The following IQSEC1 variants were observed in gnomAD, a reference collection of about 807,000 sequenced individuals.
IQSEC1 encodes the protein IQ motif and Sec7 domain ArfGEF 1.
A neutral mutation model predicts 91.0 loss-of-function variants in IQSEC1; 31 were observed. That is an observed-to-expected ratio of 0.34 (90% CI 0.26 to 0.46). The LOEUF (loss-of-function observed/expected upper bound fraction) is 0.46. IQSEC1 is among the 20% of genes least tolerant of loss of function. The probability of loss-of-function intolerance (pLI) is 1.00; values close to 1 mark genes in which losing one functional copy is unlikely to be tolerated. For synonymous variants in IQSEC1, 699 were observed against 662.6 expected (o/e 1.05, Z -0.84); for missense variants, 1,388 against 1,575.6 (o/e 0.88, Z 2.02).
At chr3:13,041,943 T>C (rs1298686811) in intron 1 of IQSEC1, among the ~76,000 whole-genome samples, 1 of 152,120 alleles carries the variant, frequency 6.6e-6, no homozygotes, top group African/African-American at 2.4e-5. Context: ...TCGGAGCAAG[T>C]GTACCGGGAA....
intron 2 of IQSEC1, among the ~76,000 whole-genome samples, chr3:13,123,460 C>T (rs1018012884): frequency 4.6e-5 from 7 of 152,204 alleles, no homozygotes; most frequent in African/African-American, 7.2e-5. Flanking sequence ...AGTGGGCATA[C>T]GACTGGGAGG....
chr3:12,967,559 C>T lies in IQSEC1; in HGVS notation c.24-25694G>A. Reference sequence around the variant, plus strand: ...GGATCCCGGGGCCGACACCCGGCCACCCGGAGACCCGACCACCCGCCACGC... The same window carrying T: ...GGATCCCGGGGCCGACACCCGGCCATCCGGAGACCCGACCACCCGCCACGC... On this transcript the variant is annotated intron_variant, in intron 1 of 13. Coordinates refer to ENST00000613206, the MANE Select transcript of IQSEC1 (RefSeq NM_001134382.3). This position sits in a 1 kb window ranked among gnomAD's most constrained non-coding sequence, Gnocchi z 5.9. 7.4e-7 allele frequency: 1 copy of T among 1,344,868 alleles called. No individual in the cohort carries two copies. The highest frequency in any genetic ancestry group is 9.5e-7 in the Non-Finnish European group (1 of 1,056,464). 83.3% of individuals were successfully genotyped at this position (1,344,868 alleles called of 1,614,324 possible). A position where few individuals can be genotyped will look rare whatever the true frequency, so the allele number is the denominator to read the frequency against.
At chr3:12,933,178 G>A (rs1030894917) in intron 3 of IQSEC1, among the ~76,000 whole-genome samples, 1 of 152,208 alleles carries the variant, frequency 6.6e-6, no homozygotes, top group Admixed American at 6.5e-5. Flanking sequence ...GCCAAAGAAA[G>A]GGAAGGGAAA....
At chr3:13,140,334 A>G (rs1706779965) in intron 2 of IQSEC1, among the ~76,000 whole-genome samples, 1 of 152,206 alleles carries the variant, frequency 6.6e-6, no homozygotes, top group Admixed American at 6.5e-5. Flanking sequence ...GGCACCTGAC[A>G]CATAGTGGCA....
At position 13,073,162 on chromosome 3, in the gene IQSEC1, T is replaced by A; in HGVS notation, c.-148A>T. The A allele has an allele frequency of 5.4e-6, 3 of 559,464 alleles. No homozygotes were observed. The highest frequency in any genetic ancestry group is 5.0e-5 in the East Asian group (1 of 19,960). The allele number at this position is 559,464 out of a possible 1,614,324, so 34.7% of individuals were successfully genotyped here. On this transcript the variant is annotated 5_prime_UTR_variant, in exon 1 of 14. Transcript: ENST00000613206. The stretch of plus-strand genomic sequence containing the variant: ...AGTCACATTCCCGGGGGTGGCGGGC[T>A]CCTCCAGGGAGGCTGGGGCGGGAGC...
intron 2 of IQSEC1, among the ~76,000 whole-genome samples, chr3:13,090,458 C>A (rs1307229749): frequency 6.6e-6 from 1 of 152,142 alleles, no homozygotes; most frequent in African/African-American, 2.4e-5. Context: ...AGGTGCTGCT[C>A]CCCAGTGAGT....
chr3:12,960,204 C>G (rs1435660029), intron 1 of IQSEC1: 1 of 152,220 alleles, frequency 6.6e-6, no homozygotes, highest in Non-Finnish European at 1.5e-5. Context: ...GGCGCTACTC[C>G]AGCCTCTCTT....
At chr3:13,283,237 A>C (rs1030411670) in exon 1 of IQSEC1, among the ~76,000 whole-genome samples, 2 of 149,684 alleles carry the variant, frequency 1.3e-5, no homozygotes, top group African/African-American at 4.9e-5. Context: ...CGCAGCGGGC[A>C]GGCGAGGAGT....
chr3:13,133,228 G>A (rs919319655), intron 2 of IQSEC1, among the ~76,000 whole-genome samples: 7 of 152,342 alleles, frequency 4.6e-5, no homozygotes, highest in Admixed American at 6.5e-5. Flanking sequence ...ACCCTAACTC[G>A]TGTTGGTGTA....
At chr3:13,280,029 T>C (rs924911920) in intron 1 of IQSEC1, among the ~76,000 whole-genome samples, 16 of 152,224 alleles carry the variant, frequency 1.1e-4, no homozygotes, top group Admixed American at 1.0e-3. Context: ...GCACTTACTG[T>C]ATACCAGTTT....
In IQSEC1 at chr3:12,908,479, C is replaced by A; in HGVS notation, c.2625G>T (p.Gln875His). Residue 875 changes from glutamine to histidine, a missense_variant, in exon 12 of 14, where the codon CAG becomes CAT. Gln to His is a conservative substitution (Grantham distance 24). Coordinates refer to ENST00000613206, the MANE Select transcript of IQSEC1 (RefSeq NM_001134382.3). The surrounding 1 kb of genome is among the most constrained non-coding windows in gnomAD (Gnocchi z 4.9). ...CCGACTCCTTTTTGAGGCTAGAGCACTGGGACATGCTGGGCCGCACGACGC... is the reference window on the plus strand; with the variant it reads ...CCGACTCCTTTTTGAGGCTAGAGCAATGGGACATGCTGGGCCGCACGACGC... Reference protein sequence around the residue: ...QKGVVRPSMSQCSSLKKESGN... With the variant: ...QKGVVRPSMSHCSSLKKESGN... The A allele has an allele frequency of 1.2e-6, 2 of 1,613,608 alleles. No homozygotes were observed. Among genetic ancestry groups the A allele is most frequent in the Non-Finnish European group, 1.7e-6 (2 of 1,180,028 alleles).
chr3:13,216,280 G>C (rs1694549028), intron 1 of IQSEC1, among the ~76,000 whole-genome samples: 1 of 152,252 alleles, frequency 6.6e-6, no homozygotes, highest in Admixed American at 6.5e-5. Flanking sequence ...CTGTAGAACA[G>C]CATTTCCCAA....
chr3:13,149,721 C>T (rs1023619398), intron 2 of IQSEC1, among the ~76,000 whole-genome samples: 1 of 152,124 alleles, frequency 6.6e-6, no homozygotes, highest in Non-Finnish European at 1.5e-5. Flanking sequence ...CTCCCCCAAC[C>T]CCTGTGTTCC....
chr3:12,962,526 C>T (rs1344213427), intron 1 of IQSEC1, among the ~76,000 whole-genome samples: 1 of 152,236 alleles, frequency 6.6e-6, no homozygotes, highest in East Asian at 1.9e-4. Context: ...TGATCCCTCT[C>T]CCCTCCCATG....
intron 1 of IQSEC1, among the ~76,000 whole-genome samples, chr3:13,000,943 T>G (rs954330104): frequency 8.7e-5 from 11 of 126,716 alleles, no homozygotes. Context: ...CTTACCCAAG[T>G]GAGTCTTTTT....
chr3:12,946,329 T>C (rs1321694253), intron 1 of IQSEC1, among the ~76,000 whole-genome samples: 1 of 152,182 alleles, frequency 6.6e-6, no homozygotes, highest in Non-Finnish European at 1.5e-5. Context: ...ACTGCGCCTC[T>C]GAATTTATTA....
chr3:13,004,805 C>G (rs1380418272), intron 1 of IQSEC1, among the ~76,000 whole-genome samples: 1 of 152,108 alleles, frequency 6.6e-6, no homozygotes, highest in African/African-American at 2.4e-5. Context: ...AACCCAGCAT[C>G]GGGCCAGCCA....
At position 12,936,524 on chromosome 3, in the gene IQSEC1, C is replaced by A; in HGVS notation, c.492G>T (p.Gln164His). The change falls in exon 3 of 14, where the codon CAG becomes CAT. Residue 164 changes from glutamine (Q) to histidine (H), a missense_variant. This residue lies in a region of IQSEC1 where 1,059 missense variants were observed against 1,317.8 expected (regional missense o/e 0.80). Coordinates refer to ENST00000613206, the MANE Select transcript of IQSEC1 (RefSeq NM_001134382.3). ...RRIVLSNMRMQFSFEGPEKVH... is the reference protein window; with the variant it reads ...RRIVLSNMRMHFSFEGPEKVH... ...CTTTCTCAGGCCCCTCAAAGGAGAA[C>A]TGCATCCTCATGTTGGACAGCACAA... is the stretch of plus-strand genomic sequence containing the variant. 3 of 1,613,522 alleles carry A rather than the reference C, an allele frequency of 1.9e-6. No homozygotes were observed. The highest frequency in any genetic ancestry group is 1.3e-5 in the African/African-American group (1 of 75,070).
chr3:13,171,032 G>A (rs1022765839), intron 1 of IQSEC1, among the ~76,000 whole-genome samples: 2 of 151,980 alleles, frequency 1.3e-5, no homozygotes, highest in African/African-American at 4.8e-5. Context: ...CCCAGGAGGC[G>A]GAGGTTGCAG....
Sources: gnomAD v4.1 joint callset for allele counts (sites outside exome capture counted in the v4.1 genomes callset) on GRCh38, gnomAD v4.1.1 for gene constraint, gnomAD v4.1.1 regional missense constraint, Gnocchi (gnomAD v3.1) non-coding constraint, MANE v1.5 for transcripts, NCBI Gene and HGNC (gene_info 2026-07-23, HGNC 2026-07-21) for gene names.